RGS6: variants seen among roughly 807,000 people sequenced by gnomAD.
RGS6 encodes regulator of G-protein signaling 6.
In RGS6, 30 loss-of-function variants were observed where a neutral mutation model predicts 78.5. The observed-to-expected ratio is 0.38, with a 90% CI of 0.29 to 0.52. The LOEUF (loss-of-function observed/expected upper bound fraction) is 0.52, where lower values mean the gene tolerates loss of function less well. Among genes scored for constraint, RGS6 ranks in the 20% least tolerant of loss-of-function variants. RGS6 has a pLI of 0.85. For missense variants in RGS6, 495 were observed against 609.7 expected (o/e 0.81, Z 1.98); for synonymous variants, 206 against 206.0 (o/e 1.00, Z 0.00).
intron 2 of RGS6, among the ~76,000 whole-genome samples, chr14:71,983,002 T>C (rs1408672029): frequency 6.6e-6 from 1 of 152,182 alleles, no homozygotes; most frequent in African/African-American, 2.4e-5. Flanking sequence ...GTCTTAGTGG[T>C]CTAGCGTGAT....
At chr14:72,357,670 C>T (rs1417225072) in intron 3 of RGS6, among the ~76,000 whole-genome samples, 1 of 152,124 alleles carries the variant, frequency 6.6e-6, no homozygotes, top group African/African-American at 2.4e-5. Context: ...TTTCTAAGTG[C>T]AGAGTGTTCA....
rs140118751 is a variant in RGS6, at chr14:72,083,623, G to A, written c.84+118748G>A. ...CTGGTCTTCTGAGCTGCTCAGAAAG[G>A]GAAGCTCGGATTTGTGGGTTTTAGG... On this transcript the variant is annotated intron_variant, in intron 2 of 17. Coordinates refer to ENST00000553525, the MANE Select transcript of RGS6 (RefSeq NM_001204424.2). Among the ~76,000 whole-genome samples, 1,175 of 152,228 alleles carry A rather than the reference G, an allele frequency of 7.7e-3. 47 individuals are homozygous for A. The highest frequency in any genetic ancestry group is 0.067 in the Admixed American group (1,027 of 15,288).
chr14:72,399,124 G>T (rs1400132351), intron 3 of RGS6, among the ~76,000 whole-genome samples: 1 of 145,978 alleles, frequency 6.9e-6, no homozygotes, highest in Non-Finnish European at 1.5e-5. Flanking sequence ...TTTCTGTCTC[G>T]TTGATCTGTC....
chr14:71,947,702 C>T (rs572546614), intron 1 of RGS6, among the ~76,000 whole-genome samples: 4 of 152,204 alleles, frequency 2.6e-5, no homozygotes, highest in East Asian at 3.9e-4. Context: ...TAGACTGGTG[C>T]GAGATTCTTA....
At chr14:72,340,461 G>C (rs2076786443) in intron 2 of RGS6, among the ~76,000 whole-genome samples, 1 of 152,154 alleles carries the variant, frequency 6.6e-6, no homozygotes, top group African/African-American at 2.4e-5. Flanking sequence ...GGCAGCAGAA[G>C]CAGCCCTCAG....
At chr14:71,870,003 A>G in the RGS6 span, among the ~76,000 whole-genome samples, 1 of 152,176 alleles carries the variant, frequency 6.6e-6, no homozygotes, top group Admixed American at 6.5e-5. Context: ...ATACATTTCT[A>G]TTCATTACAA....
At chr14:72,057,743 T>C (rs1048202570) in intron 2 of RGS6, among the ~76,000 whole-genome samples, 2 of 152,200 alleles carry the variant, frequency 1.3e-5, no homozygotes, top group African/African-American at 2.4e-5. Flanking sequence ...GTGCTCCTAC[T>C]TACTGCTCAG....
At chr14:72,557,085 C>T (rs975534380) in intron 17 of RGS6, among the ~76,000 whole-genome samples, 1 of 152,232 alleles carries the variant, frequency 6.6e-6, no homozygotes, top group African/African-American at 2.4e-5. Flanking sequence ...CAGGAATGGC[C>T]TCTCTTCCTT....
the RGS6 span, among the ~76,000 whole-genome samples, chr14:71,884,649 A>G: frequency 1.3e-5 from 2 of 152,108 alleles, no homozygotes; most frequent in Non-Finnish European, 2.9e-5. Flanking sequence ...GCCAAGACAC[A>G]CTTTGTTCTT....
At chr14:72,360,411 A>G (rs2081221266) in intron 3 of RGS6, among the ~76,000 whole-genome samples, 1 of 151,856 alleles carries the variant, frequency 6.6e-6, no homozygotes, top group Non-Finnish European at 1.5e-5. Flanking sequence ...AGTCCCAGCT[A>G]CTCGGGAGGC....
At chr14:72,215,796 T>C (rs976049384) in intron 2 of RGS6, among the ~76,000 whole-genome samples, 6 of 152,210 alleles carry the variant, frequency 3.9e-5, no homozygotes, top group African/African-American at 1.4e-4. Flanking sequence ...TTAGGCTAAA[T>C]TGTGGGAGCT....
chr14:72,136,885 C>T (rs2096452271), intron 2 of RGS6, among the ~76,000 whole-genome samples: 1 of 152,150 alleles, frequency 6.6e-6, no homozygotes, highest in African/African-American at 2.4e-5. Flanking sequence ...ATTAATATGA[C>T]TATTTTCTTG....
chr14:72,422,092 C>T (rs1251201538), intron 3 of RGS6, among the ~76,000 whole-genome samples: 3 of 152,140 alleles, frequency 2.0e-5, no homozygotes, highest in South Asian at 4.1e-4. Flanking sequence ...GGGAGGTTCC[C>T]CTGCACAAGC....
intron 2 of RGS6, among the ~76,000 whole-genome samples, chr14:72,272,976 C>T (rs937812784): frequency 2.0e-5 from 3 of 152,010 alleles, no homozygotes; most frequent in African/African-American, 4.8e-5. Flanking sequence ...ATTAGCAGGG[C>T]GTGGTGGCAG....
At chr14:72,089,819 C>T (rs1597380373) in intron 2 of RGS6, among the ~76,000 whole-genome samples, 1 of 152,196 alleles carries the variant, frequency 6.6e-6, no homozygotes, top group Non-Finnish European at 1.5e-5. Flanking sequence ...ATACCACCAC[C>T]TCACAGCTTA....
chr14:72,248,799 C>G (rs1223580902), intron 2 of RGS6, among the ~76,000 whole-genome samples: 1 of 152,170 alleles, frequency 6.6e-6, no homozygotes, highest in Non-Finnish European at 1.5e-5. Flanking sequence ...GAATCAGATT[C>G]TGCATTTTAG....
chr14:72,517,361 T>C (rs2096962820), intron 14 of RGS6, among the ~76,000 whole-genome samples: 1 of 152,134 alleles, frequency 6.6e-6, no homozygotes, highest in Non-Finnish European at 1.5e-5. Context: ...GGGCAAAGGA[T>C]ATGACACCCA....
intron 3 of RGS6, among the ~76,000 whole-genome samples, chr14:72,378,581 A>G (rs1213583283): frequency 6.6e-6 from 1 of 152,146 alleles, no homozygotes; most frequent in Non-Finnish European, 1.5e-5. Flanking sequence ...ATGCCAGTAA[A>G]TTTAAAAACC....
chr14:72,381,916 G>A (rs912032590), intron 3 of RGS6, among the ~76,000 whole-genome samples: 2 of 151,990 alleles, frequency 1.3e-5, no homozygotes, highest in Non-Finnish European at 2.9e-5. Context: ...CGGAAAAATG[G>A]TAAAGCTACT....
Sources: gnomAD v4.1 joint callset for allele counts (sites outside exome capture counted in the v4.1 genomes callset) on GRCh38, gnomAD v4.1.1 for gene constraint, MANE v1.5 for transcripts, NCBI Gene and HGNC (gene_info 2026-07-23, HGNC 2026-07-21) for gene names.